Variants in RAB37 observed in about 807,000 individuals in gnomAD.
RAB37 encodes the protein RAB37, member RAS oncogene family, also known as ras-related protein Rab-37.
RAB37 carries 29 observed loss-of-function variants against 33.1 expected under a neutral mutation model. The observed-to-expected ratio is 0.88, with a 90% CI of 0.65 to 1.20. The LOEUF (loss-of-function observed/expected upper bound fraction) is 1.20, where lower values mean the gene tolerates loss of function less well. Among genes scored for constraint, RAB37 ranks in the 50% most tolerant of loss-of-function variants. The probability of loss-of-function intolerance (pLI) is 0.00; values close to 1 mark genes in which losing one functional copy is unlikely to be tolerated. For missense variants in RAB37, 299 were observed against 301.1 expected, an observed-to-expected ratio of 0.99 and a Z score of 0.05; for synonymous variants, 128 against 119.5, an observed-to-expected ratio of 1.07 and a Z score of -0.47.
chr17:74,744,119 G>A lies in RAB37; in HGVS notation c.367-189G>A, dbSNP rs1168662580. On this transcript the variant is annotated intron_variant, in intron 5 of 8. Coordinates refer to ENST00000392613, the MANE Select transcript of RAB37 (RefSeq NM_001006638.3). The surrounding 1 kb of genome is among the most constrained non-coding windows in gnomAD (Gnocchi z 4.2). The stretch of plus-strand genomic sequence containing the variant: ...GCACAGCATAAAATGGTGAGGGTGG[G>A]GCCATTGTGGGTTGAGCCACCAAGG... Among the ~76,000 whole-genome samples the A allele has an allele frequency of 6.6e-6, 1 of 152,080 alleles. No homozygotes were observed. Among genetic ancestry groups the A allele is most frequent in the Non-Finnish European group, 1.5e-5 (1 of 68,020 alleles).
At chr17:74,723,015 G>T (rs1423771987) in intron 1 of RAB37, among the ~76,000 whole-genome samples, 1 of 152,114 alleles carries the variant, frequency 6.6e-6, no homozygotes, top group Non-Finnish European at 1.5e-5. Flanking sequence ...CCCATTGAGA[G>T]GCCTGGATAA....
intron 1 of RAB37, among the ~76,000 whole-genome samples, chr17:74,708,872 C>A (rs1033276076): frequency 6.7e-6 from 1 of 149,650 alleles, no homozygotes; most frequent in Non-Finnish European, 1.5e-5. Context: ...GCCGAGATCG[C>A]GCCACTGCAC....
intron 1 of RAB37, among the ~76,000 whole-genome samples, chr17:74,702,594 T>A (rs1221717679): frequency 2.0e-5 from 3 of 152,142 alleles, no homozygotes; most frequent in Non-Finnish European, 4.4e-5. Context: ...AAGCCCTCCT[T>A]TCCTTGTCCT....
intron 1 of RAB37, chr17:74,672,661 C>T (rs1294522289): frequency 2.0e-5 from 3 of 152,192 alleles, no homozygotes; most frequent in Non-Finnish European, 4.4e-5. Flanking sequence ...TACTAAAAGC[C>T]AGAAATTACT....
chr17:74,707,838 C>T (rs1049105127), intron 1 of RAB37, among the ~76,000 whole-genome samples: 11 of 151,574 alleles, frequency 7.3e-5, no homozygotes, highest in African/African-American at 2.7e-4. Context: ...AATGTTATGC[C>T]AATGAATTTA....
At chr17:74,708,904 A>G (rs1400106054) in intron 1 of RAB37, among the ~76,000 whole-genome samples, 1 of 148,458 alleles carries the variant, frequency 6.7e-6, no homozygotes, top group East Asian at 2.0e-4. Context: ...CGACAGAGCA[A>G]GACTCCGTCT....
intron 1 of RAB37, chr17:74,696,230 C>T: frequency 6.2e-7 from 1 of 1,604,896 alleles, no homozygotes; most frequent in Non-Finnish European, 8.5e-7. Context: ...AAAAGACAAA[C>T]AACAATTCAG....
upstream of RAB37, among the ~76,000 whole-genome samples, chr17:74,732,552 A>C: frequency 7.5e-6 from 1 of 133,404 alleles, no homozygotes. Flanking sequence ...GTGTGGTGTG[A>C]TTTGAGGGGT....
At chr17:74,714,768 C>T (rs993732733) in intron 1 of RAB37, among the ~76,000 whole-genome samples, 2 of 152,132 alleles carry the variant, frequency 1.3e-5, no homozygotes, top group African/African-American at 4.8e-5. Flanking sequence ...GTCCATCCCC[C>T]ATCTCTCCTT....
chr17:74,727,522 G>C (rs1314529066), intron 1 of RAB37, among the ~76,000 whole-genome samples: 1 of 152,248 alleles, frequency 6.6e-6, no homozygotes, highest in African/African-American at 2.4e-5. Context: ...GAGGGGTCCT[G>C]TGTCTCCCAG....
chr17:74,728,425 T>G (rs963273165), intron 1 of RAB37, among the ~76,000 whole-genome samples: 1 of 151,956 alleles, frequency 6.6e-6, no homozygotes, highest in African/African-American at 2.4e-5. Flanking sequence ...TATGTGTGCA[T>G]GTATGTTTTG....
intron 1 of RAB37, among the ~76,000 whole-genome samples, chr17:74,700,688 G>C (rs2032966674): frequency 6.6e-6 from 1 of 152,074 alleles, no homozygotes; most frequent in African/African-American, 2.4e-5. Flanking sequence ...GGAGGCGTAG[G>C]TTGCAGTGAG....
rs770848854 is a variant in RAB37, at chr17:74,704,676, AGTCAC to A, written c.73-24578_73-24574del. The A allele has an allele frequency of 1.9e-6, 3 of 1,614,214 alleles. No homozygotes were observed. In the Admixed American group the frequency reaches 5.0e-5, roughly 27 times the overall value. ...CCACTGGTTTTAACAAGGATCTTGC[AGTCAC>A]GCCAAATAGCTCCTCGACACCACCA... On this transcript the variant is annotated intron_variant, in intron 1 of 7. Coordinates refer to the RAB37 transcript ENST00000340415.
At chr17:74,704,611 C>T in intron 1 of RAB37, 2 of 1,614,122 alleles carry the variant, frequency 1.2e-6, no homozygotes, top group Non-Finnish European at 1.7e-6. Flanking sequence ...TCTGATTGTC[C>T]TTGATGGACA....
intron 1 of RAB37, chr17:74,712,994 T>G: frequency 1.1e-6 from 1 of 937,910 alleles, no homozygotes. Context: ...TTCCCATGGG[T>G]GAAAGAGACT....
At chr17:74,700,248 G>T (rs561901679) in intron 1 of RAB37, among the ~76,000 whole-genome samples, 2 of 151,970 alleles carry the variant, frequency 1.3e-5, no homozygotes, top group Non-Finnish European at 2.9e-5. Context: ...CATGAAAATG[G>T]CCAGGGCTGA....
At chr17:74,687,024 C>A (rs1042295360) in intron 1 of RAB37, among the ~76,000 whole-genome samples, 1 of 152,194 alleles carries the variant, frequency 6.6e-6, no homozygotes, top group East Asian at 1.9e-4. Context: ...AGTGCCAGTG[C>A]TCTGCTCTGC....
intron 2 of RAB37, 72 bp downstream of exon 2, chr17:74,740,950 C>T: frequency 8.8e-7 from 1 of 1,131,186 alleles, no homozygotes. Context: ...GGGTTGCCCC[C>T]ACCTTGCTCA....
chr17:74,727,963 G>A (rs144748425), intron 1 of RAB37, among the ~76,000 whole-genome samples: 103 of 152,056 alleles, frequency 6.8e-4, no homozygotes, highest in South Asian at 1.2e-3. Flanking sequence ...GTGTGTCGGT[G>A]CCTGTGTATA....
Sources: allele counts gnomAD v4.1 joint callset (sites outside exome capture counted in the v4.1 genomes callset), GRCh38; gene constraint gnomAD v4.1.1; non-coding constraint Gnocchi (gnomAD v3.1); transcripts MANE v1.5; gene names NCBI Gene and HGNC (gene_info 2026-07-23, HGNC 2026-07-21).